REC114: variants seen among roughly 807,000 people sequenced by gnomAD.
REC114 encodes the protein meiotic recombination protein REC114.
In REC114, 27 loss-of-function variants were observed where a neutral mutation model predicts 31.3. The ratio of observed to expected loss-of-function variants is 0.86; its 90% confidence interval spans 0.64 to 1.19. The LOEUF is 1.19. REC114 is among the 50% of genes most tolerant of loss of function. The probability of loss-of-function intolerance (pLI) is 0.00; values close to 1 mark genes in which losing one functional copy is unlikely to be tolerated. For missense variants in REC114, 344 were observed against 326.9 expected, an observed-to-expected ratio of 1.05 and a Z score of -0.40; for synonymous variants, 134 against 127.7, an observed-to-expected ratio of 1.05 and a Z score of -0.33.
chr15:73,510,164 T>C (rs1893741883), intron 2 of REC114, among the ~76,000 whole-genome samples: 1 of 152,118 alleles, frequency 6.6e-6, no homozygotes, highest in Admixed American at 6.5e-5. Context: ...TCACATCCCT[T>C]GTAAGTTGGA....
intron 2 of REC114, among the ~76,000 whole-genome samples, chr15:73,507,132 T>C (rs1253351946): frequency 6.6e-6 from 1 of 152,204 alleles, no homozygotes; most frequent in Non-Finnish European, 1.5e-5. Context: ...AAAGGATATC[T>C]ACAATTAATA....
At chr15:73,504,465 G>C (rs1893648976) in intron 2 of REC114, among the ~76,000 whole-genome samples, 1 of 151,860 alleles carries the variant, frequency 6.6e-6, no homozygotes, top group Admixed American at 6.6e-5. Context: ...TTACCACTGG[G>C]CTCCCTACTG....
intron 1 of REC114, among the ~76,000 whole-genome samples, chr15:73,473,200 C>T (rs755733528): frequency 2.0e-5 from 3 of 152,040 alleles, no homozygotes; most frequent in Non-Finnish European, 2.9e-5. Flanking sequence ...ACCAGCCTGA[C>T]GAACATGGTG....
At chr15:73,448,082 G>C (rs1892791897) in intron 1 of REC114, among the ~76,000 whole-genome samples, 1 of 151,502 alleles carries the variant, frequency 6.6e-6, no homozygotes, top group South Asian at 2.1e-4. Flanking sequence ...CACTGAGCTA[G>C]CTGCAGGAGT....
intron 2 of REC114, among the ~76,000 whole-genome samples, chr15:73,482,184 T>C (rs754095492): frequency 8.5e-5 from 13 of 152,194 alleles, no homozygotes; most frequent in Non-Finnish European, 1.5e-4. Flanking sequence ...AATGGTGATA[T>C]AGTTTGGATG....
At chr15:73,502,132 G>A (rs1034600028) in intron 2 of REC114, among the ~76,000 whole-genome samples, 3 of 140,800 alleles carry the variant, frequency 2.1e-5, no homozygotes, top group East Asian at 2.1e-4. Flanking sequence ...TCCAGCCTGG[G>A]CAACAGAGCA....
rs1894549419 is a variant in REC114 at position 73,559,752 on chromosome 15, A to C, written c.637A>C (p.Thr213Pro). 4 of 1,556,504 alleles carry C rather than the reference A, an allele frequency of 2.6e-6. No individual in the cohort carries two copies. Among genetic ancestry groups the C allele is most frequent in the Non-Finnish European group, 3.5e-6 (4 of 1,158,798 alleles). The change falls in exon 6 of 6, where the codon ACT (threonine) becomes CCT (proline). Residue 213 changes from threonine (T) to proline (P), a missense_variant and splice_region_variant. Transcript: ENST00000331090. ...GRTSLTQLAQ[T>P]LLASEELPHV... ...AACGACTTTTCTGGTATCCCTGCAG[A>C]CTCTTCTGGCATCGGAGGAGCTGCC...
At chr15:73,540,705 A>T in intron 3 of REC114, 137 bp downstream of exon 3, 1 of 760,266 alleles carries the variant, frequency 1.3e-6, no homozygotes, top group Non-Finnish European at 2.3e-6. Context: ...ACTATGAGAA[A>T]AACATGAAAC....
chr15:73,472,706 A>G (rs980205510), intron 1 of REC114, among the ~76,000 whole-genome samples: 2 of 152,126 alleles, frequency 1.3e-5, no homozygotes, highest in African/African-American at 2.4e-5. Context: ...TAATGTATCT[A>G]TCAGTCATGT....
At chr15:73,521,461 C>A (rs1893934749) in intron 2 of REC114, among the ~76,000 whole-genome samples, 2 of 151,968 alleles carry the variant, frequency 1.3e-5, no homozygotes, top group Admixed American at 6.6e-5. Context: ...AACAGTAAAT[C>A]AAACCTAAGG....
intron 2 of REC114, among the ~76,000 whole-genome samples, chr15:73,528,062 T>TA (rs1894029267): frequency 6.6e-6 from 1 of 151,974 alleles, no homozygotes; most frequent in African/African-American, 2.4e-5. Flanking sequence ...TGACACTTTT[T>TA]TAAAAAAAAA....
chr15:73,455,616 A>G (rs1892904971), intron 1 of REC114, among the ~76,000 whole-genome samples: 1 of 152,186 alleles, frequency 6.6e-6, no homozygotes, highest in Non-Finnish European at 1.5e-5. Flanking sequence ...TAAAATATCT[A>G]ATATATTTTA....
At chr15:73,473,740 A>G (rs1893167956) in intron 1 of REC114, 92 bp from the exon 2 acceptor site, 3 of 686,266 alleles carry the variant, frequency 4.4e-6, no homozygotes, top group Admixed American at 3.0e-5. Context: ...AAAAAGATCA[A>G]TATGAGAAAA....
At chr15:73,472,070 T>C (rs1042636640) in intron 1 of REC114, among the ~76,000 whole-genome samples, 5 of 152,234 alleles carry the variant, frequency 3.3e-5, no homozygotes, top group Admixed American at 6.5e-5. Flanking sequence ...TCATTGTTCA[T>C]TGAGCTGTAC....
chr15:73,488,463 A>G (rs1161673124), intron 2 of REC114, among the ~76,000 whole-genome samples: 3 of 152,146 alleles, frequency 2.0e-5, no homozygotes, highest in African/African-American at 7.2e-5. Context: ...CTTGCAGTTT[A>G]TTATAAGCAG....
intron 2 of REC114, among the ~76,000 whole-genome samples, chr15:73,534,654 G>A (rs932751907): frequency 1.3e-5 from 2 of 152,180 alleles, no homozygotes; most frequent in Non-Finnish European, 2.9e-5. Flanking sequence ...AATACAAAAA[G>A]AGGGAATCCT....
At chr15:73,541,172 A>T (rs1894232878) in intron 3 of REC114, among the ~76,000 whole-genome samples, 1 of 152,198 alleles carries the variant, frequency 6.6e-6, no homozygotes, top group African/African-American at 2.4e-5. Context: ...GAGGGGTATT[A>T]ACCTGGGGTA....
intron 3 of REC114, among the ~76,000 whole-genome samples, chr15:73,546,324 A>C (rs1319449437): frequency 1.3e-5 from 2 of 152,186 alleles, no homozygotes; most frequent in African/African-American, 4.8e-5. Flanking sequence ...ATTATGTACC[A>C]AAATATGAAT....
At chr15:73,550,742 G>A (rs998240391) in intron 3 of REC114, among the ~76,000 whole-genome samples, 196 bp from the exon 4 acceptor site, 4 of 152,070 alleles carry the variant, frequency 2.6e-5, no homozygotes, top group African/African-American at 7.2e-5. Context: ...GTGAATTTTA[G>A]TATGATGAAC....
Sources: gnomAD v4.1 joint callset for allele counts (sites outside exome capture counted in the v4.1 genomes callset) on GRCh38, gnomAD v4.1.1 for gene constraint, MANE v1.5 for transcripts, NCBI Gene and HGNC (gene_info 2026-07-23, HGNC 2026-07-21) for gene names.